Variants in DOCK9 observed in about 807,000 individuals in gnomAD.
The protein encoded by DOCK9 is dedicator of cytokinesis protein 9.
In DOCK9, 89 loss-of-function variants were observed where a neutral mutation model predicts 263.3. That is an observed-to-expected ratio of 0.34 (90% CI 0.28 to 0.40). The LOEUF (loss-of-function observed/expected upper bound fraction) is 0.40. Among genes scored for constraint, DOCK9 ranks in the 10% least tolerant of loss-of-function variants. DOCK9 has a pLI of 1.00. For synonymous variants in DOCK9, 976 were observed against 973.1 expected, an observed-to-expected ratio of 1.00 and a Z score of -0.06; for missense variants, 2,140 against 2,603.4, an observed-to-expected ratio of 0.82 and a Z score of 3.87.
At chr13:98,826,246 G>T (rs1446001719) in intron 44 of DOCK9, among the ~76,000 whole-genome samples, 2 of 152,142 alleles carry the variant, frequency 1.3e-5, no homozygotes, top group African/African-American at 2.4e-5. Flanking sequence ...TCACCATTTG[G>T]GGCTGTGCTG....
chr13:98,928,606 A>G (rs2053425375), intron 3 of DOCK9, among the ~76,000 whole-genome samples: 1 of 152,266 alleles, frequency 6.6e-6, no homozygotes, highest in Non-Finnish European at 1.5e-5. Context: ...ATAGGTCAAC[A>G]AACTTTTTGT....
chr13:99,086,707 G>A (rs1483373325), upstream of DOCK9: 1 of 146,594 alleles, frequency 6.8e-6, no homozygotes, highest in African/African-American at 2.5e-5. Context: ...CCGGCGCGGC[G>A]CGGGCGGGGC....
At chr13:98,950,420 G>C in intron 2 of DOCK9, 1 of 761,874 alleles carries the variant, frequency 1.3e-6, no homozygotes, top group Non-Finnish European at 2.2e-6. Flanking sequence ...AGAACCAAAG[G>C]GATTTTTCTT....
At chr13:98,893,536 C>T (rs4772154) in intron 15 of DOCK9, among the ~76,000 whole-genome samples, 84,890 of 151,906 alleles carry the variant, frequency 0.56, 24,001 homozygotes, top group Middle Eastern at 0.6. Context: ...GGAACATATC[C>T]CTGGGTAATT....
intron 26 of DOCK9, 129 bp downstream of exon 26, chr13:98,880,418 G>A: frequency 8.2e-7 from 1 of 1,213,246 alleles, no homozygotes; most frequent in Non-Finnish European, 1.2e-6. Flanking sequence ...TGGTATCAGA[G>A]AACACTACCC....
intron 21 of DOCK9, 73 bp downstream of exon 21, chr13:98,884,898 T>C: frequency 6.7e-6 from 10 of 1,488,022 alleles, no homozygotes; most frequent in Non-Finnish European, 9.1e-6. Flanking sequence ...TTTTTGTGTG[T>C]TATTGTTGTT....
intron 1 of DOCK9, among the ~76,000 whole-genome samples, chr13:99,075,355 C>CTT (rs142464481): frequency 0.31 from 38,215 of 121,806 alleles, 6,806 homozygotes; most frequent in South Asian, 0.41. Flanking sequence ...AGCTGTAGTA[C>CTT]TTTTTTTTTT....
chr13:98,934,668 A>AGAG (rs72517221), intron 2 of DOCK9, among the ~76,000 whole-genome samples: 3 of 151,612 alleles, frequency 2.0e-5, no homozygotes, highest in African/African-American at 7.3e-5. Flanking sequence ...TTAAGACAGA[A>AGAG]GTGAGGAGAT....
rs1477187397 is a variant in DOCK9 at position 99,037,167 on chromosome 13, AAG to A, written c.129+49054_129+49055del. On this transcript the variant is annotated intron_variant, in intron 1 of 32. Coordinates refer to the DOCK9 transcript ENST00000427887. ...TTTCATTACAATAAAAAATTGCAAA[AAG>A]AGAAAAAAATTATTCAAAAGAAACA... 9.2e-5 allele frequency among the ~76,000 whole-genome samples: 14 copies of A among 152,350 alleles called. No individual in the cohort carries two copies. In the East Asian group the frequency reaches 2.5e-3, roughly 27 times the overall value.
chr13:98,968,230 A>G (rs2059391150), intron 1 of DOCK9, among the ~76,000 whole-genome samples: 1 of 152,242 alleles, frequency 6.6e-6, no homozygotes, highest in Non-Finnish European at 1.5e-5. Context: ...ATAAGAATTT[A>G]AAATTGAAAT....
Position 98,837,592 on chromosome 13 carries a change from C to T in DOCK9, c.4216G>A (p.Ala1406Thr), listed in dbSNP as rs747848018. Residue 1406 changes from alanine to threonine, a missense_variant, in exon 39 of 53, where the codon GCA (alanine) becomes ACA (threonine). This residue lies in a region of DOCK9 where 1,521 missense variants were observed against 1,741.7 expected (regional missense o/e 0.87). Coordinates refer to ENST00000682017, the MANE Select transcript of DOCK9 (RefSeq NM_001366683.2). ...AGTAATGACTGGTGCAGAACATCTG[C>T]GTCCGAGTGGCCATAGCCTGCATGA... ...TFNHSYGHSD[A>T]DVLHQSLLEA... 1.3e-5 allele frequency: 21 copies of T among 1,612,982 alleles called. No homozygotes were observed. The highest frequency in any genetic ancestry group is 3.4e-6 in the Non-Finnish European group (4 of 1,179,376).
intron 13 of DOCK9, 113 bp from the exon 14 acceptor site, chr13:98,898,374 C>A (rs2047750668): frequency 2.8e-6 from 2 of 725,330 alleles, no homozygotes; most frequent in South Asian, 1.7e-5. Flanking sequence ...GCATTGGATG[C>A]ATAGAAAAGC....
intron 39 of DOCK9, among the ~76,000 whole-genome samples, chr13:98,833,572 G>C (rs1390682798): frequency 6.6e-6 from 1 of 151,972 alleles, no homozygotes; most frequent in Admixed American, 6.6e-5. Flanking sequence ...TCAGGATTCA[G>C]TCCTCTTCAG....
At chr13:99,055,508 C>G (rs1041586725) in intron 1 of DOCK9, among the ~76,000 whole-genome samples, 3 of 151,856 alleles carry the variant, frequency 2.0e-5, no homozygotes, top group African/African-American at 7.3e-5. Context: ...TGGAGGGGAC[C>G]GCAATGGGAG....
Position 98,831,663 on chromosome 13 carries a change from A to C in DOCK9, c.4438T>G (p.Ser1480Ala), listed in dbSNP as rs759255200. The C allele has an allele frequency of 4.3e-6, 7 of 1,613,158 alleles. No homozygotes were observed. The Admixed American group carries it at 8.4e-5, about 19-fold the overall frequency. ...AAGCAACTTACCTTATAAATTAAGG[A>C]CCTTAAGGCAGTGAAGACATTTTTT... ...ALKNVFTALR[S>A]LIYKFPSTFY... Residue 1480 changes from serine (S) to alanine (A), a missense_variant, in exon 40 of 53, where the codon TCC (serine) becomes GCC (alanine). Ser to Ala is a moderately conservative substitution (Grantham distance 99). Around this residue, in one of 2 missense-constraint regions of DOCK9, gnomAD observed 619 missense variants for 861.8 expected, o/e 0.72. Transcript: ENST00000682017.
At chr13:99,085,823 T>C (rs9513546) in intron 1 of DOCK9, among the ~76,000 whole-genome samples, 96,400 of 136,146 alleles carry the variant, frequency 0.71, 32,120 homozygotes, top group East Asian at 0.95. Context: ...CTCCAAAACA[T>C]GGAAGGAGAG....
chr13:98,889,970 TA>T (rs2046374795), intron 15 of DOCK9, among the ~76,000 whole-genome samples: 1 of 152,242 alleles, frequency 6.6e-6, no homozygotes, highest in Admixed American at 6.5e-5. Context: ...TACAGTCACC[TA>T]AAATTCCTAC....
At chr13:99,045,778 A>AAAAAC (rs772142885) in intron 1 of DOCK9, among the ~76,000 whole-genome samples, 148 of 152,156 alleles carry the variant, frequency 9.7e-4, no homozygotes, top group Non-Finnish European at 1.9e-3. Flanking sequence ...TCATCTTTTT[A>AAAAAC]AAAACAAAAC....
At chr13:99,038,215 G>C (rs538854023) in intron 1 of DOCK9, among the ~76,000 whole-genome samples, 1 of 143,716 alleles carries the variant, frequency 7.0e-6, no homozygotes, top group Admixed American at 7.1e-5. Context: ...AGACTCTAAA[G>C]TTATCAAAAT....
Sources: gnomAD v4.1 joint callset for allele counts (sites outside exome capture counted in the v4.1 genomes callset) on GRCh38, gnomAD v4.1.1 for gene constraint, gnomAD v4.1.1 regional missense constraint, MANE v1.5 for transcripts, NCBI Gene and HGNC (gene_info 2026-07-23, HGNC 2026-07-21) for gene names.